The following ARPP21 variants were observed in gnomAD, a reference collection of about 807,000 sequenced individuals.
ARPP21 encodes cAMP-regulated phosphoprotein 21.
Under a neutral mutation model 113.2 loss-of-function variants are expected in ARPP21, and 69 were observed. That is an observed-to-expected ratio of 0.61 (90% CI 0.50 to 0.74). The LOEUF (loss-of-function observed/expected upper bound fraction) is 0.74, where lower values mean the gene tolerates loss of function less well. Among genes scored for constraint, ARPP21 ranks in the 30% least tolerant of loss-of-function variants. The probability of loss-of-function intolerance (pLI) is 0.00; values close to 1 mark genes in which losing one functional copy is unlikely to be tolerated. For missense variants in ARPP21, 1,070 were observed against 1,037.4 expected (o/e 1.03, Z -0.43); for synonymous variants, 368 against 375.5 (o/e 0.98, Z 0.23).
intron 19 of ARPP21, among the ~76,000 whole-genome samples, chr3:35,745,271 C>T (rs538439514): frequency 5.8e-4 from 89 of 152,248 alleles, no homozygotes; most frequent in African/African-American, 1.8e-3. Flanking sequence ...TTGGTGGTAA[C>T]GGTGCTATCA....
intron 1 of ARPP21, among the ~76,000 whole-genome samples, chr3:35,670,023 G>A (rs1420750939): frequency 1.3e-5 from 2 of 152,086 alleles, no homozygotes; most frequent in East Asian, 3.9e-4. Context: ...AATATCAATA[G>A]TTTCTGCCAG....
At chr3:35,724,308 C>T (rs1007781308) in intron 14 of ARPP21, among the ~76,000 whole-genome samples, 13 of 152,158 alleles carry the variant, frequency 8.5e-5, no homozygotes, top group Non-Finnish European at 1.5e-4. Flanking sequence ...GACACCTGTG[C>T]GGCAACCTCA....
At chr3:35,774,964 G>A (rs2096311797) in intron 19 of ARPP21, 1 of 152,118 alleles carries the variant, frequency 6.6e-6, no homozygotes, top group South Asian at 2.1e-4. Context: ...AAACTAAGCA[G>A]CAGTTCCTAA....
chr3:35,719,301 T>C (rs2092810270), intron 13 of ARPP21, among the ~76,000 whole-genome samples: 1 of 152,200 alleles, frequency 6.6e-6, no homozygotes, highest in Admixed American at 6.5e-5. Context: ...AAATTAGAGT[T>C]ACACATTATT....
At chr3:35,751,479 A>G (rs2095402751) in intron 19 of ARPP21, among the ~76,000 whole-genome samples, 1 of 152,132 alleles carries the variant, frequency 6.6e-6, no homozygotes, top group African/African-American at 2.4e-5. Flanking sequence ...TAAGTAAGCG[A>G]TACTCCAATC....
At chr3:35,769,088 G>A (rs2096096939) in intron 19 of ARPP21, among the ~76,000 whole-genome samples, 1 of 152,022 alleles carries the variant, frequency 6.6e-6, no homozygotes, top group African/African-American at 2.4e-5. Flanking sequence ...GTATATTTAT[G>A]TGTATGTGTA....
At chr3:35,688,777 A>G (rs1031768478) in intron 6 of ARPP21, among the ~76,000 whole-genome samples, 3 of 151,696 alleles carry the variant, frequency 2.0e-5, no homozygotes, top group Non-Finnish European at 4.4e-5. Context: ...CAGTTTTAGA[A>G]ATTAAGCTTT....
At chr3:35,662,431 ATACTCTGAGATAGAGTTAAG>A (rs1708257297) in intron 1 of ARPP21, among the ~76,000 whole-genome samples, 2 of 152,278 alleles carry the variant, frequency 1.3e-5, no homozygotes, top group Admixed American at 1.3e-4. Context: ...TCTGGAAAGC[ATACTCTGAGATAGAGTTAAG>A]TGTGCAGGAT....
chr3:35,709,430 C>T (rs1262593409), intron 11 of ARPP21, among the ~76,000 whole-genome samples: 1 of 152,114 alleles, frequency 6.6e-6, no homozygotes, highest in Non-Finnish European at 1.5e-5. Flanking sequence ...TTAATAACAA[C>T]ATTGTACAGG....
At chr3:35,772,887 A>G (rs1391751847) in intron 19 of ARPP21, among the ~76,000 whole-genome samples, 1 of 152,186 alleles carries the variant, frequency 6.6e-6, no homozygotes, top group African/African-American at 2.4e-5. Flanking sequence ...CTGCTCTTAC[A>G]GAATTGCACT....
chr3:35,747,676 G>A lies in ARPP21; in HGVS notation c.2137+3711G>A, dbSNP rs182874142. ...TACTTGCCAGTAGTCCCAGCAACTTGGAGGAGTACAAAATCACGAGGATAA... is the reference window on the plus strand; with the variant it reads ...TACTTGCCAGTAGTCCCAGCAACTTAGAGGAGTACAAAATCACGAGGATAA... On this transcript the variant is annotated intron_variant, in intron 19 of 20. Coordinates refer to ENST00000684406, the MANE Select transcript of ARPP21 (RefSeq NM_001385562.1). Among the ~76,000 whole-genome samples, 487 of 152,182 alleles carry A rather than the reference G, an allele frequency of 3.2e-3. 2 individuals are homozygous for A. The highest frequency in any genetic ancestry group is 4.4e-3 in the Non-Finnish European group (296 of 68,008).
intron 14 of ARPP21, among the ~76,000 whole-genome samples, chr3:35,725,229 C>G (rs2093433871): frequency 6.6e-6 from 1 of 152,080 alleles, no homozygotes; most frequent in African/African-American, 2.4e-5. Context: ...GATAGGGGCT[C>G]TATTTTTCAT....
chr3:35,750,603 G>A (rs1003630060), intron 19 of ARPP21, among the ~76,000 whole-genome samples: 1 of 151,990 alleles, frequency 6.6e-6, no homozygotes, highest in Admixed American at 6.6e-5. Context: ...TTGTTGTTCA[G>A]GTATTCCGTA....
chr3:35,757,808 A>G (rs1035908277), intron 19 of ARPP21, among the ~76,000 whole-genome samples: 2 of 151,990 alleles, frequency 1.3e-5, no homozygotes, highest in South Asian at 4.1e-4. Context: ...GCAATTTCTT[A>G]TTTATTTGGT....
At chr3:35,709,256 A>T (rs1394900179) in intron 11 of ARPP21, among the ~76,000 whole-genome samples, 186 bp downstream of exon 11, 1 of 152,156 alleles carries the variant, frequency 6.6e-6, no homozygotes, top group Non-Finnish European at 1.5e-5. Context: ...AACCTAGCCA[A>T]GGGTTTGGGT....
In ARPP21 at chr3:35,738,105, T is replaced by G. The variant is rs1038758665; in HGVS notation, c.1645-109T>G. On this transcript the variant is annotated intron_variant, in intron 16 of 20. Coordinates refer to ENST00000684406, the MANE Select transcript of ARPP21 (RefSeq NM_001385562.1). ...TTTCCTTTGGTGGCTAGTTCCCCTC[T>G]CTGGAGTGCACTGAACCTAGAGAGC... 16 of 669,212 alleles carry G rather than the reference T, an allele frequency of 2.4e-5. No homozygotes were observed. The Admixed American group carries it at 3.2e-4, about 13-fold the overall frequency. The allele number at this position is 669,212 out of a possible 1,614,324, so 41.5% of individuals were successfully genotyped here.
chr3:35,758,688 C>A (rs2095657911), intron 19 of ARPP21, among the ~76,000 whole-genome samples: 1 of 152,096 alleles, frequency 6.6e-6, no homozygotes, highest in Admixed American at 6.6e-5. Context: ...AGAATTCAAG[C>A]TCCTGATTAG....
chr3:35,779,634 C>G (rs369289024), intron 19 of ARPP21, among the ~76,000 whole-genome samples: 9 of 151,366 alleles, frequency 5.9e-5, no homozygotes, highest in African/African-American at 2.2e-4. Context: ...GCAAGTAATA[C>G]CACCTCAAGG....
chr3:35,725,469 A>C (rs964752812), intron 14 of ARPP21, among the ~76,000 whole-genome samples: 1 of 152,166 alleles, frequency 6.6e-6, no homozygotes, highest in Non-Finnish European at 1.5e-5. Context: ...CTGGTACCTT[A>C]TATTTTACAA....
Sources: allele counts gnomAD v4.1 joint callset (sites outside exome capture counted in the v4.1 genomes callset), GRCh38; gene constraint gnomAD v4.1.1; transcripts MANE v1.5; gene names NCBI Gene and HGNC (gene_info 2026-07-23, HGNC 2026-07-21).